The following CCDC175 variants were observed in gnomAD, a reference collection of about 807,000 sequenced individuals.
CCDC175 encodes coiled-coil domain-containing protein 175.
A neutral mutation model predicts 114.6 loss-of-function variants in CCDC175; 100 were observed. The observed-to-expected ratio is 0.87, with a 90% CI of 0.74 to 1.03. CCDC175 has a LOEUF of 1.03. CCDC175 is among the 50% of genes least tolerant of loss of function. CCDC175 has a pLI of 0.00. For synonymous variants in CCDC175, 306 were observed against 308.7 expected (o/e 0.99, Z 0.09); for missense variants, 880 against 917.8 (o/e 0.96, Z 0.53).
intron 17 of CCDC175, among the ~76,000 whole-genome samples, chr14:59,514,668 A>G (rs2139962923): frequency 6.6e-6 from 1 of 152,320 alleles, no homozygotes; most frequent in African/African-American, 2.4e-5. Flanking sequence ...GGAGTATGTG[A>G]AAAGACCAAA....
intron 17 of CCDC175, among the ~76,000 whole-genome samples, chr14:59,518,575 C>T (rs1013666564): frequency 6.6e-6 from 1 of 152,248 alleles, no homozygotes; most frequent in African/African-American, 2.4e-5. Context: ...AAATGCTCAT[C>T]ATCACTGGAC....
At chr14:59,571,091 C>T (rs940179986) in intron 3 of CCDC175, among the ~76,000 whole-genome samples, 1 of 146,254 alleles carries the variant, frequency 6.8e-6, no homozygotes, top group African/African-American at 2.5e-5. Flanking sequence ...CAGCCAACAA[C>T]ATTCCTGGCT....
chr14:59,567,186 T>C (rs563931911), intron 4 of CCDC175, among the ~76,000 whole-genome samples: 17 of 152,368 alleles, frequency 1.1e-4, no homozygotes, highest in Admixed American at 3.9e-4. Flanking sequence ...GTCTAGTTTA[T>C]GTAGCAGGCT....
intron 13 of CCDC175, among the ~76,000 whole-genome samples, chr14:59,536,614 C>T (rs892036433): frequency 6.6e-6 from 1 of 151,924 alleles, no homozygotes; most frequent in African/African-American, 2.4e-5. Context: ...ATCTTTCCTT[C>T]GTTTGTTCCC....
chr14:59,567,578 C>T (rs1490835941), intron 4 of CCDC175, among the ~76,000 whole-genome samples: 2 of 152,170 alleles, frequency 1.3e-5, no homozygotes, highest in Non-Finnish European at 2.9e-5. Context: ...GGGGGCCTAT[C>T]TTTCAGAATA....
chr14:59,555,333 C>A lies in CCDC175; in HGVS notation c.954-3897G>T, dbSNP rs1052590674. Among the ~76,000 whole-genome samples the A allele has an allele frequency of 3.3e-5, 5 of 152,166 alleles. No homozygotes were observed. The East Asian group carries it at 9.6e-4, about 29-fold the overall frequency. On this transcript the variant is annotated intron_variant, in intron 7 of 19. Coordinates refer to ENST00000537690, the MANE Select transcript of CCDC175 (RefSeq NM_001164399.2). ...ACACATGCAAATCAATAAACGTAAT[C>A]CAGCATATAAACAGAACCAAAGCAA... is the stretch of plus-strand genomic sequence containing the variant.
At chr14:59,542,151 A>G (rs532468468) in intron 10 of CCDC175, among the ~76,000 whole-genome samples, 2 of 152,344 alleles carry the variant, frequency 1.3e-5, no homozygotes, top group South Asian at 2.1e-4. Flanking sequence ...CAATGAGCAC[A>G]GAAAAATCTG....
intron 14 of CCDC175, among the ~76,000 whole-genome samples, chr14:59,527,537 T>C (rs1255582483): frequency 1.3e-5 from 2 of 152,214 alleles, no homozygotes; most frequent in Admixed American, 6.5e-5. Context: ...ATAGTTTTTG[T>C]TTAAATAAAT....
At chr14:59,553,748 C>T (rs1895685015) in intron 7 of CCDC175, among the ~76,000 whole-genome samples, 1 of 151,340 alleles carries the variant, frequency 6.6e-6, no homozygotes, top group Non-Finnish European at 1.5e-5. Flanking sequence ...CACATAGGCT[C>T]AAAATAAAGG....
chr14:59,543,249 T>C (rs930605893), intron 10 of CCDC175, 95 bp downstream of exon 10: 3 of 492,718 alleles, frequency 6.1e-6, no homozygotes, highest in African/African-American at 6.0e-5. Flanking sequence ...TTTTCTGTAG[T>C]ATGTTAGAAA....
At chr14:59,557,130 G>T (rs1255174191) in intron 7 of CCDC175, among the ~76,000 whole-genome samples, 2 of 152,126 alleles carry the variant, frequency 1.3e-5, no homozygotes, top group Admixed American at 6.6e-5. Context: ...ATACCCAAAG[G>T]ATTATAAATC....
chr14:59,511,892 A>G lies in CCDC175; in HGVS notation c.2099-89T>C, dbSNP rs1892776257. The G allele has an allele frequency of 4.0e-6, 4 of 997,600 alleles. No individual in the cohort carries two copies. In the African/African-American group the frequency reaches 4.9e-5, roughly 12 times the overall value. 61.8% of individuals were successfully genotyped at this position (997,600 alleles called of 1,614,324 possible). A position where few individuals can be genotyped will look rare whatever the true frequency, so the allele number is the denominator to read the frequency against. ...GTGTTATTCATTTTTGTTTTTTCAA[A>G]AATTATTTTTATCTAAAAATGTCTA... is the stretch of plus-strand genomic sequence containing the variant. On this transcript the variant is annotated intron_variant, in intron 17 of 19. Coordinates refer to ENST00000537690, the MANE Select transcript of CCDC175 (RefSeq NM_001164399.2).
intron 11 of CCDC175, among the ~76,000 whole-genome samples, chr14:59,539,580 CA>C (rs897215414): frequency 6.3e-5 from 9 of 143,748 alleles, no homozygotes; most frequent in Non-Finnish European, 7.6e-5. Flanking sequence ...AACTCTGTCT[CA>C]AAAAAAAAAG....
intron 3 of CCDC175, among the ~76,000 whole-genome samples, chr14:59,568,633 G>A (rs772426234): frequency 5.9e-5 from 9 of 151,990 alleles, no homozygotes; most frequent in African/African-American, 7.3e-5. Context: ...CCTGATTCCC[G>A]CCCGTTCCAT....
chr14:59,531,999 G>C, intron 13 of CCDC175, 89 bp from the exon 14 acceptor site: 3 of 666,948 alleles, frequency 4.5e-6, no homozygotes, highest in Non-Finnish European at 4.9e-6. Context: ...TTGAGGGAAA[G>C]AGTTTCATCT....
At chr14:59,521,802 A>G (rs894108717) in intron 16 of CCDC175, 126 bp from the exon 17 acceptor site, 22 of 572,808 alleles carry the variant, frequency 3.8e-5, no homozygotes, top group African/African-American at 3.6e-4. Flanking sequence ...GTACAGGGGT[A>G]ACAGTGGGGA....
rs1374677493 is a variant in CCDC175 at position 59,565,049 on chromosome 14, G to A, written c.718C>T (p.Gln240Ter). The A allele has an allele frequency of 2.0e-6, 3 of 1,514,148 alleles. No individual in the cohort carries two copies. Among genetic ancestry groups the A allele is most frequent in the Non-Finnish European group, 2.7e-6 (3 of 1,127,702 alleles). The allele number at this position is 1,514,148 out of a possible 1,614,324, so 93.8% of individuals were successfully genotyped here. Residue 240 changes from glutamine to a stop codon, truncating the protein, a stop_gained and splice_region_variant, in exon 5 of 20, where the codon CAG (glutamine) becomes TAG (stop). Transcript: ENST00000537690. LOFTEE classifies it high-confidence loss of function. ...YLIRKQELTA[Q>*]INEFENTREV... ...AAAGAATAAATCATGCCACTTACCT[G>A]TGCAGTCAACTCTTGTTTTCTTATT...
At chr14:59,534,143 C>G (rs1371171172) in intron 13 of CCDC175, among the ~76,000 whole-genome samples, 1 of 152,122 alleles carries the variant, frequency 6.6e-6, no homozygotes, top group East Asian at 1.9e-4. Context: ...TGATAAGAAG[C>G]CATTCTCTTG....
chr14:59,531,024 C>T (rs1894040613), intron 14 of CCDC175, among the ~76,000 whole-genome samples: 3 of 151,758 alleles, frequency 2.0e-5, no homozygotes, highest in Admixed American at 1.3e-4. Flanking sequence ...GGGCCAGGCA[C>T]AGCACTTTGG....
Sources: allele counts gnomAD v4.1 joint callset (sites outside exome capture counted in the v4.1 genomes callset), GRCh38; gene constraint gnomAD v4.1.1; transcripts MANE v1.5; gene names NCBI Gene and HGNC (gene_info 2026-07-23, HGNC 2026-07-21).